Variants in ZNF337 observed in about 807,000 individuals in gnomAD.
The protein encoded by ZNF337 is zinc finger protein 337.
Under a neutral mutation model 12.1 loss-of-function variants are expected in ZNF337, and 8 were observed. The ratio of observed to expected loss-of-function variants is 0.66; its 90% CI spans 0.39 to 1.19. The LOEUF (loss-of-function observed/expected upper bound fraction) is 1.19. ZNF337 is among the 50% of genes most tolerant of loss of function. The pLI, the probability that ZNF337 is intolerant of heterozygous loss-of-function variation, is 0.01. For synonymous variants in ZNF337, 336 were observed against 320.0 expected, an observed-to-expected ratio of 1.05 and a Z score of -0.53; for missense variants, 882 against 896.6, an observed-to-expected ratio of 0.98 and a Z score of 0.21.
At chr20:25,693,048 G>A (rs2065894170) in intron 1 of ZNF337, among the ~76,000 whole-genome samples, 1 of 152,104 alleles carries the variant, frequency 6.6e-6, no homozygotes, top group Non-Finnish European at 1.5e-5. Flanking sequence ...CCACAACCCA[G>A]TCCACTTGAT....
Position 25,675,569 on chromosome 20 carries a change from A to G in ZNF337, c.1719T>C (p.Asn573=), listed in dbSNP as rs756672238. 16 of 1,611,388 alleles carry G rather than the reference A, an allele frequency of 9.9e-6. No individual in the cohort carries two copies. In the African/African-American group the frequency reaches 2.0e-4, roughly 20 times the overall value. ...QWTHSGERPF[N]CKDCGRGFIL... is the part of the protein sequence containing the mutation. ...TGAAGCCTCGCCCGCAATCCTTGCA[A>G]TTAAATGGCCTTTCCCCCGAGTGTG... Residue 573 remains asparagine, a synonymous_variant, in exon 5 of 5, where the codon AAT becomes AAC. Transcript: ENST00000252979.
chr20:25,681,008 C>T (rs1232940687), intron 4 of ZNF337: 2 of 152,124 alleles, frequency 1.3e-5, no homozygotes, highest in South Asian at 2.1e-4. Flanking sequence ...TTAGCATCCC[C>T]CCCAAATTCA....
chr20:25,679,073 A>G (rs1182560194), intron 4 of ZNF337, among the ~76,000 whole-genome samples: 13 of 152,272 alleles, frequency 8.5e-5, no homozygotes, highest in Admixed American at 7.8e-4. Context: ...GGGTAAGGAC[A>G]GAATCTTCAA....
In ZNF337 at chr20:25,686,381, G is replaced by C. The variant is rs752216113; in HGVS notation, c.27+10C>G. On this transcript the variant is annotated intron_variant, in intron 2 of 4. Transcript: ENST00000252979. ...GTGACAGCAAGAACGACAGTTCTGG[G>C]AAGTCTCACCTGTCTCCTGGCTCCC... The C allele has an allele frequency of 6.2e-7, 1 of 1,612,080 alleles. No individual in the cohort carries two copies. The highest frequency in any genetic ancestry group is 8.5e-7 in the Non-Finnish European group (1 of 1,178,164).
chr20:25,696,547 C>T (rs1401945244), intron 1 of ZNF337, among the ~76,000 whole-genome samples: 4 of 152,238 alleles, frequency 2.6e-5, no homozygotes, highest in Admixed American at 2.6e-4. Flanking sequence ...TGAGTGGCGG[C>T]CCAGACCCGG....
chr20:25,676,355 C>G lies in ZNF337; in HGVS notation c.933G>C (p.Leu311Phe). Reference sequence around the variant, plus strand: ...AAGGCTTCTCCCCTGAATGCGCCTTCAAGTGCTTGTTGTATGAGGACTTAT... The same window carrying G: ...AAGGCTTCTCCCCTGAATGCGCCTTGAAGTGCTTGTTGTATGAGGACTTAT... ...FNDKSSYNKH[L>F]KAHSGEKPFV... is the part of the protein sequence containing the mutation. Residue 311 changes from leucine to phenylalanine, a missense_variant, in exon 5 of 5, where the codon TTG becomes TTC. Physicochemically the swap from Leu to Phe is conservative, Grantham distance 22. Coordinates refer to ENST00000252979, the MANE Select transcript of ZNF337 (RefSeq NM_015655.4). The G allele has an allele frequency of 6.2e-7, 1 of 1,614,226 alleles. No individual in the cohort carries two copies. Among genetic ancestry groups the G allele is most frequent in the Non-Finnish European group, 8.5e-7 (1 of 1,180,034 alleles).
rs1278160265 is a variant in ZNF337, at chr20:25,675,440, C to CA, written c.1847dup (p.Lys617GlufsTer43). 2 of 1,613,116 alleles carry CA rather than the reference C, an allele frequency of 1.2e-6. No homozygotes were observed. Among genetic ancestry groups the CA allele is most frequent in the African/African-American group, 2.7e-5 (2 of 74,558 alleles). On this transcript the variant is annotated frameshift_variant, in exon 5 of 5. Coordinates refer to ENST00000252979, the MANE Select transcript of ZNF337 (RefSeq NM_015655.4). LOFTEE classifies it low-confidence loss of function (END_TRUNC). Reference sequence around the variant, plus strand: ...TGCCAGAATGTGCAAGCTGGTGTTTCACAAGATTTGACTTCCAGATAAATC... The same window carrying CA: ...TGCCAGAATGTGCAAGCTGGTGTTTCAACAAGATTTGACTTCCAGATAAATC...
At chr20:25,690,966 A>G (rs964422161) in intron 1 of ZNF337, among the ~76,000 whole-genome samples, 1 of 152,218 alleles carries the variant, frequency 6.6e-6, no homozygotes, top group African/African-American at 2.4e-5. Flanking sequence ...ATGGCCCAAT[A>G]AGTGGAAGAA....
At chr20:25,694,519 G>A (rs770808042) in intron 1 of ZNF337, among the ~76,000 whole-genome samples, 22 of 152,054 alleles carry the variant, frequency 1.4e-4, no homozygotes, top group Non-Finnish European at 2.8e-4. Flanking sequence ...ATTAAAATCA[G>A]TTATTTGGAT....
chr20:25,692,874 G>A (rs754559792), intron 1 of ZNF337, among the ~76,000 whole-genome samples: 1 of 151,990 alleles, frequency 6.6e-6, no homozygotes, highest in African/African-American at 2.4e-5. Context: ...CTACATTTTT[G>A]GGAGATGAAA....
chr20:25,683,130 A>G (rs895980810), intron 4 of ZNF337, among the ~76,000 whole-genome samples: 5 of 152,222 alleles, frequency 3.3e-5, no homozygotes, highest in Admixed American at 1.3e-4. Context: ...AGGAGTGAGG[A>G]AAGCCAGTAA....
intron 1 of ZNF337, among the ~76,000 whole-genome samples, chr20:25,696,316 T>C (rs2065928251): frequency 6.6e-6 from 1 of 152,050 alleles, no homozygotes; most frequent in African/African-American, 2.4e-5. Context: ...CCCATCCGTC[T>C]CATGGCTGTA....
Position 25,675,767 on chromosome 20 carries a change from C to T in ZNF337, c.1521G>A (p.Leu507=). ...FRDKSSYNKH[L]RAHLGEKRFF... ...AACGTTTCTCACCCAAGTGTGCCCT[C>T]AGGTGCTTGTTATAGGAGGACTTAT... The change falls in exon 5 of 5, where the codon CTG becomes CTA. Residue 507 remains leucine, a synonymous_variant. Coordinates refer to ENST00000252979, the MANE Select transcript of ZNF337 (RefSeq NM_015655.4). 1 of 1,614,086 alleles carries T rather than the reference C, an allele frequency of 6.2e-7. No homozygotes were observed. Among genetic ancestry groups the T allele is most frequent in the African/African-American group, 1.3e-5 (1 of 75,038 alleles).
At chr20:25,684,344 AAAGTAT>A (rs1384999988) in intron 4 of ZNF337, among the ~76,000 whole-genome samples, 1 of 152,116 alleles carries the variant, frequency 6.6e-6, no homozygotes, top group Non-Finnish European at 1.5e-5. Context: ...CCTAAAACTT[AAAGTAT>A]AATAATAATA....
chr20:25,675,759 TG>T lies in ZNF337; in HGVS notation c.1528del (p.His510ThrfsTer18). ...KSSYNKHLRA[H>X]LGEKRFFCRD... Reference sequence around the variant, plus strand: ...GCAGAAAAAACGTTTCTCACCCAAGTGTGCCCTCAGGTGCTTGTTATAGGAG... The same window carrying T: ...GCAGAAAAAACGTTTCTCACCCAAGTTGCCCTCAGGTGCTTGTTATAGGAG... On this transcript the variant is annotated frameshift_variant, in exon 5 of 5. Coordinates refer to ENST00000252979, the MANE Select transcript of ZNF337 (RefSeq NM_015655.4). LOFTEE classifies it low-confidence loss of function (END_TRUNC). 6.2e-7 allele frequency: 1 copy of T among 1,614,072 alleles called. No individual in the cohort carries two copies. The highest frequency in any genetic ancestry group is 8.5e-7 in the Non-Finnish European group (1 of 1,180,020).
chr20:25,688,777 C>T (rs571631603), intron 1 of ZNF337, among the ~76,000 whole-genome samples: 25 of 152,320 alleles, frequency 1.6e-4, no homozygotes, highest in Admixed American at 1.3e-4. Context: ...GCTGATTCAT[C>T]CAAGAAGCTA....
At chr20:25,695,795 G>A (rs1281822442) in intron 1 of ZNF337, among the ~76,000 whole-genome samples, 4 of 152,090 alleles carry the variant, frequency 2.6e-5, no homozygotes, top group Non-Finnish European at 5.9e-5. Context: ...CCAAAGTGCT[G>A]GGACTACAGG....
Position 25,676,108 on chromosome 20 carries a change from G to A in ZNF337, c.1180C>T (p.His394Tyr), listed in dbSNP as rs2065682873. The A allele has an allele frequency of 6.2e-7, 1 of 1,613,874 alleles. No homozygotes were observed. The highest frequency in any genetic ancestry group is 8.5e-7 in the Non-Finnish European group (1 of 1,179,962). Reference sequence around the variant, plus strand: ...TTCTCCCCTGAGTGTGTTCTCTGGTGTCTGAGGAGACTTCCTTTCACGCTA... The same window carrying A: ...TTCTCCCCTGAGTGTGTTCTCTGGTATCTGAGGAGACTTCCTTTCACGCTA... ...SFSVKGSLLRHQRTHSGEKPF... is the reference protein window; with the variant it reads ...SFSVKGSLLRYQRTHSGEKPF... Residue 394 changes from histidine (H) to tyrosine (Y), a missense_variant, in exon 5 of 5, where the codon CAC (histidine) becomes TAC (tyrosine). His to Tyr is a moderately conservative substitution (Grantham distance 83). Coordinates refer to ENST00000252979, the MANE Select transcript of ZNF337 (RefSeq NM_015655.4).
chr20:25,696,015 C>A (rs1344894231), intron 1 of ZNF337, among the ~76,000 whole-genome samples: 2 of 150,988 alleles, frequency 1.3e-5, no homozygotes, highest in Non-Finnish European at 2.9e-5. Flanking sequence ...CCGTCATTAG[C>A]AAGGCCCCAG....
Sources: allele counts gnomAD v4.1 joint callset (sites outside exome capture counted in the v4.1 genomes callset), GRCh38; gene constraint gnomAD v4.1.1; transcripts MANE v1.5; gene names NCBI Gene and HGNC (gene_info 2026-07-23, HGNC 2026-07-21).